The following CHST11 variants were observed in gnomAD, a reference collection of about 807,000 sequenced individuals.
The protein encoded by CHST11 is carbohydrate sulfotransferase 11, also known as C4S-1.
Under a neutral mutation model 30.4 loss-of-function variants are expected in CHST11, and 9 were observed. The ratio of observed to expected loss-of-function variants is 0.30; its 90% CI spans 0.18 to 0.52. The LOEUF (loss-of-function observed/expected upper bound fraction) is 0.52, where lower values mean the gene tolerates loss of function less well. CHST11 is among the 20% of genes least tolerant of loss of function. CHST11 has a pLI of 0.97. For synonymous variants in CHST11, 152 were observed against 187.8 expected (o/e 0.81, Z 1.56); for missense variants, 348 against 460.6 (o/e 0.76, Z 2.24).
chr12:104,557,735 T>A (rs2038471476), intron 1 of CHST11, among the ~76,000 whole-genome samples: 1 of 151,776 alleles, frequency 6.6e-6, no homozygotes, highest in South Asian at 2.1e-4. Context: ...GGGAAGGAAG[T>A]GGGAAGAGAG....
chr12:104,544,138 AAAAGAAAG>A lies in CHST11; in HGVS notation c.119-57730_119-57723del, dbSNP rs59116085. On this transcript the variant is annotated intron_variant, in intron 1 of 2. Coordinates refer to ENST00000303694, the MANE Select transcript of CHST11 (RefSeq NM_018413.6). ...GACCCTGTCTGTTAAAAAAAAAAAA[AAAAGAAAG>A]AAAGAAAGAAAGAAAGAAAGAAAGA... Among the ~76,000 whole-genome samples, 100 of 71,720 alleles carry A rather than the reference AAAAGAAAG, an allele frequency of 1.4e-3. 1 individual carries two copies. Among genetic ancestry groups the A allele is most frequent in the African/African-American group, 1.4e-3 (28 of 20,376 alleles). The allele number at this position is 71,720 out of a possible 152,430, so 47.1% of individuals were successfully genotyped here.
In CHST11 at chr12:104,600,421, C is replaced by T. The variant is rs765265648; in HGVS notation, c.119-1485C>T. Among the ~76,000 whole-genome samples, 104 of 152,326 alleles carry T rather than the reference C, an allele frequency of 6.8e-4. No homozygotes were observed. Among genetic ancestry groups the T allele is most frequent in the Admixed American group, 1.0e-3 (16 of 15,304 alleles). ...CAAATAGAGAAGTTCCCGCCTTCCT[C>T]CCAGGGGGATCTAAAATAGCTTCTG... On this transcript the variant is annotated intron_variant, in intron 1 of 2. Coordinates refer to ENST00000303694, the MANE Select transcript of CHST11 (RefSeq NM_018413.6). This position sits in a 1 kb window ranked among gnomAD's most constrained non-coding sequence, Gnocchi z 4.1.
chr12:104,757,809 G>T lies in CHST11; in HGVS notation c.*6G>T. On this transcript the variant is annotated 3_prime_UTR_variant, in exon 3 of 3. Coordinates refer to ENST00000303694, the MANE Select transcript of CHST11 (RefSeq NM_018413.6). This position sits in a 1 kb window ranked among gnomAD's most constrained non-coding sequence, Gnocchi z 6.5. ...GCTACCTGAAATTGGAATAAAGGGG[G>T]TGGGGAGAGGGAGAGAATCATGCTT... The T allele has an allele frequency of 6.2e-7, 1 of 1,604,686 alleles. No homozygotes were observed. Among genetic ancestry groups the T allele is most frequent in the African/African-American group, 1.3e-5 (1 of 74,794 alleles).
chr12:104,632,445 G>T (rs952505842), intron 2 of CHST11, among the ~76,000 whole-genome samples: 21 of 152,180 alleles, frequency 1.4e-4, no homozygotes, highest in Admixed American at 4.6e-4. Flanking sequence ...ACGGGGATGA[G>T]GCGAAGTGCT....
At position 104,652,867 on chromosome 12, in the gene CHST11, C is replaced by T. The variant is rs377022108; in HGVS notation, c.204+50876C>T. On this transcript the variant is annotated intron_variant, in intron 2 of 2. Transcript: ENST00000303694. The stretch of plus-strand genomic sequence containing the variant: ...CTGGCCAGCGAAGAGGGAGGCTGCC[C>T]TGCTTGGCCTCTGCTCCCTACACGC... 3.3e-4 allele frequency among the ~76,000 whole-genome samples: 50 copies of T among 152,168 alleles called. 1 individual carries two copies. The East Asian group carries it at 5.2e-3, about 16-fold the overall frequency.
chr12:104,670,265 C>G (rs969963404), intron 2 of CHST11, among the ~76,000 whole-genome samples: 14 of 152,176 alleles, frequency 9.2e-5, no homozygotes, highest in African/African-American at 3.4e-4. Context: ...AGGGCTGTAG[C>G]AGAGCGAGTC....
intron 2 of CHST11, among the ~76,000 whole-genome samples, chr12:104,642,392 C>G (rs1350095274): frequency 2.0e-5 from 3 of 152,068 alleles, no homozygotes; most frequent in African/African-American, 7.2e-5. Context: ...TTACTTTTTA[C>G]AAATTAATTT....
At chr12:104,628,968 G>C (rs979119697) in intron 2 of CHST11, among the ~76,000 whole-genome samples, 1 of 152,212 alleles carries the variant, frequency 6.6e-6, no homozygotes, top group South Asian at 2.1e-4. Flanking sequence ...AAACAAGGGG[G>C]AGCTGGATGG....
chr12:104,554,610 A>C (rs926150008), intron 1 of CHST11, among the ~76,000 whole-genome samples: 2 of 152,138 alleles, frequency 1.3e-5, no homozygotes, highest in African/African-American at 2.4e-5. Context: ...CCACAGAGAA[A>C]TCTCAGGGAC....
At chr12:104,707,689 G>A (rs1374508422) in intron 2 of CHST11, among the ~76,000 whole-genome samples, 1 of 152,094 alleles carries the variant, frequency 6.6e-6, no homozygotes, top group Non-Finnish European at 1.5e-5. Flanking sequence ...TCCACTGTAG[G>A]GGACCCAGTC....
At chr12:104,685,108 A>G (rs771544116) in intron 2 of CHST11, among the ~76,000 whole-genome samples, 17 of 152,292 alleles carry the variant, frequency 1.1e-4, no homozygotes, top group Non-Finnish European at 1.9e-4. Flanking sequence ...TTTTATGGCT[A>G]TTTGGTTATC....
At chr12:104,516,738 G>C (rs1704906) in intron 1 of CHST11, among the ~76,000 whole-genome samples, 50,511 of 151,542 alleles carry the variant, frequency 0.33, 9,340 homozygotes, top group East Asian at 0.51. Context: ...TCACCACTGG[G>C]CATGCTGAAT....
chr12:104,553,983 C>T (rs2038430799), intron 1 of CHST11, among the ~76,000 whole-genome samples: 1 of 152,112 alleles, frequency 6.6e-6, no homozygotes, highest in African/African-American at 2.4e-5. Context: ...GGATCCACTT[C>T]CAAGCTCACA....
At chr12:104,722,311 G>A (rs1315936550) in intron 2 of CHST11, among the ~76,000 whole-genome samples, 1 of 152,112 alleles carries the variant, frequency 6.6e-6, no homozygotes, top group Non-Finnish European at 1.5e-5. Flanking sequence ...CCAATTTGGT[G>A]TGTTTTTAAC....
intron 2 of CHST11, among the ~76,000 whole-genome samples, chr12:104,725,477 A>G (rs528362162): frequency 6.6e-6 from 1 of 151,890 alleles, no homozygotes; most frequent in African/African-American, 2.4e-5. Context: ...GTTCCTTTCA[A>G]ATTCAAAAGT....
At chr12:104,515,141 G>C (rs2038009967) in intron 1 of CHST11, among the ~76,000 whole-genome samples, 1 of 152,132 alleles carries the variant, frequency 6.6e-6, no homozygotes, top group African/African-American at 2.4e-5. Flanking sequence ...AAAATCAAAA[G>C]AAGAACAATA....
At chr12:104,695,730 C>A (rs537101292) in intron 2 of CHST11, among the ~76,000 whole-genome samples, 1 of 152,168 alleles carries the variant, frequency 6.6e-6, no homozygotes, top group South Asian at 2.1e-4. Flanking sequence ...GAAATGGGGG[C>A]GGGGGAAATC....
intron 2 of CHST11, among the ~76,000 whole-genome samples, chr12:104,737,512 A>C (rs567747764): frequency 6.0e-4 from 91 of 152,360 alleles, no homozygotes; most frequent in Non-Finnish European, 1.0e-3. Context: ...AGAGCCCTGC[A>C]GGTGAGTTTG....
chr12:104,502,032 C>CT (rs60839156), intron 1 of CHST11, among the ~76,000 whole-genome samples: 21,232 of 147,820 alleles, frequency 0.14, 1,913 homozygotes, highest in Admixed American at 0.21. Flanking sequence ...TTCTTTTTTA[C>CT]TTTTTTTTTT....
Sources: gnomAD v4.1 joint callset for allele counts (sites outside exome capture counted in the v4.1 genomes callset) on GRCh38, gnomAD v4.1.1 for gene constraint, Gnocchi (gnomAD v3.1) non-coding constraint, MANE v1.5 for transcripts, NCBI Gene and HGNC (gene_info 2026-07-23, HGNC 2026-07-21) for gene names.